PCDHGA5: variants seen among roughly 807,000 people sequenced by gnomAD.
The protein encoded by PCDHGA5 is protocadherin gamma-A5.
Under a neutral mutation model 56.7 loss-of-function variants are expected in PCDHGA5, and 36 were observed. The observed-to-expected ratio is 0.64, with a 90% CI of 0.49 to 0.84. The LOEUF (loss-of-function observed/expected upper bound fraction) is 0.84, where lower values mean the gene tolerates loss of function less well. Ranked by LOEUF, PCDHGA5 falls within the 40% of genes least tolerant of loss-of-function variation. The probability of loss-of-function intolerance (pLI) is 0.00; values close to 1 mark genes in which losing one functional copy is unlikely to be tolerated. For missense variants in PCDHGA5, 1,305 were observed against 1,201.5 expected, an observed-to-expected ratio of 1.09 and a Z score of -1.27; for synonymous variants, 563 against 520.2, an observed-to-expected ratio of 1.08 and a Z score of -1.12.
chr5:141,485,242 C>A lies in PCDHGA5; in HGVS notation c.2422-9565C>A, dbSNP rs747029550. ...CTACCCTTTTGTTCCTCTTTTACCA[C>A]CTGGGTTACGTTTGTGGGCAGATCC... On this transcript the variant is annotated intron_variant, in intron 1 of 3. Transcript: ENST00000518069. This position sits in a 1 kb window ranked among gnomAD's most constrained non-coding sequence, Gnocchi z 5.7. 7.4e-5 allele frequency: 119 copies of A among 1,614,054 alleles called. No individual in the cohort carries two copies. The highest frequency in any genetic ancestry group is 3.3e-4 in the Middle Eastern group (2 of 6,084).
intron 2 of PCDHGA5, among the ~76,000 whole-genome samples, chr5:141,496,392 C>T (rs6879760): frequency 0.064 from 9,762 of 152,240 alleles, 510 homozygotes; most frequent in African/African-American, 0.15. Context: ...CCTTACCCTA[C>T]CTCCTCAATG....
intron 1 of PCDHGA5, chr5:141,392,664 C>CT (rs530587453): frequency 1.2e-6 from 1 of 817,260 alleles, no homozygotes; most frequent in South Asian, 2.1e-5. Flanking sequence ...ATGCCACAAA[C>CT]TAACTGCTGG....
intron 1 of PCDHGA5, chr5:141,418,345 T>G: frequency 6.2e-7 from 1 of 1,614,000 alleles, no homozygotes; most frequent in Non-Finnish European, 8.5e-7. Context: ...ATCCTGATAT[T>G]AGTATGAATT....
Position 141,486,443 on chromosome 5 carries a change from A to G in PCDHGA5, c.2422-8364A>G, listed in dbSNP as rs747419698. Reference sequence around the variant, plus strand: ...AGAGGCCAAATCTAGCTATGACATCATGGTCACTGCTTCTGATGCTGGGAA... The same window carrying G: ...AGAGGCCAAATCTAGCTATGACATCGTGGTCACTGCTTCTGATGCTGGGAA... On this transcript the variant is annotated intron_variant, in intron 1 of 3. Transcript: ENST00000518069. The surrounding 1 kb of genome is among the most constrained non-coding windows in gnomAD (Gnocchi z 5.0). The G allele has an allele frequency of 1.9e-6, 3 of 1,614,060 alleles. No individual in the cohort carries two copies. Among genetic ancestry groups the G allele is most frequent in the South Asian group, 2.2e-5 (2 of 91,080 alleles).
chr5:141,375,647 T>A (rs1265306389), intron 1 of PCDHGA5: 1 of 1,614,156 alleles, frequency 6.2e-7, no homozygotes, highest in Admixed American at 1.7e-5. Flanking sequence ...CTCCTTCGAC[T>A]ATGAGCAGTT....
Position 141,422,497 on chromosome 5 carries a change from A to G in PCDHGA5, c.2421+55746A>G, listed in dbSNP as rs1257927470. 1.9e-6 allele frequency: 3 copies of G among 1,613,874 alleles called. No homozygotes were observed. In the African/African-American group the frequency reaches 4.0e-5, roughly 22 times the overall value. On this transcript the variant is annotated intron_variant, in intron 1 of 3. Transcript: ENST00000518069. Reference sequence around the variant, plus strand: ...GGTCCAGAGCTACAATATAACGTTGACAGCCACAGACCAGGGAAGCCCGCC... The same window carrying G: ...GGTCCAGAGCTACAATATAACGTTGGCAGCCACAGACCAGGGAAGCCCGCC...
chr5:141,431,709 T>C lies in PCDHGA5; in HGVS notation c.2422-63098T>C. On this transcript the variant is annotated intron_variant, in intron 1 of 3. Coordinates refer to ENST00000518069, the MANE Select transcript of PCDHGA5 (RefSeq NM_018918.3). This position sits in a 1 kb window ranked among gnomAD's most constrained non-coding sequence, Gnocchi z 4.8. ...CACGAGGAGTCAGGATTCTACCAGA[T>C]GGAAGTGCAAGCAATGGATAATGCA... The C allele has an allele frequency of 6.2e-7, 1 of 1,614,168 alleles. No individual in the cohort carries two copies. Among genetic ancestry groups the C allele is most frequent in the Non-Finnish European group, 8.5e-7 (1 of 1,180,018 alleles).
At chr5:141,421,146 C>T in intron 1 of PCDHGA5, 1 of 1,015,090 alleles carries the variant, frequency 9.9e-7, no homozygotes, top group Non-Finnish European at 1.4e-6. Flanking sequence ...TGGATGTAGT[C>T]GGCCTAGGAC....
intron 1 of PCDHGA5, chr5:141,412,854 A>T (rs1356959630): frequency 4.5e-6 from 1 of 223,412 alleles, no homozygotes; most frequent in African/African-American, 2.3e-5. Context: ...GAGAAACCAA[A>T]GAATCTATGT....
At chr5:141,374,551 G>C (rs1314667705) in intron 1 of PCDHGA5, 2 of 1,613,400 alleles carry the variant, frequency 1.2e-6, no homozygotes, top group African/African-American at 2.7e-5. Context: ...CACTAATGGA[G>C]GTCTATGACC....
rs1191838027 is a variant in PCDHGA5, at chr5:141,365,935, C to A, written c.1605C>A (p.Ser535Arg). Residue 535 changes from serine to arginine, a missense_variant, in exon 1 of 4, where the codon AGC (serine) becomes AGA (arginine). Transcript: ENST00000518069. ...LRDLQLWVTA[S>R]DSGNPPLSSN... Reference sequence around the variant, plus strand: ...ACCTACAGTTGTGGGTGACAGCCAGCGACAGTGGGAACCCTCCACTTAGCA... The same window carrying A: ...ACCTACAGTTGTGGGTGACAGCCAGAGACAGTGGGAACCCTCCACTTAGCA... 1.2e-6 allele frequency: 2 copies of A among 1,614,106 alleles called. No homozygotes were observed. Among genetic ancestry groups the A allele is most frequent in the African/African-American group, 2.7e-5 (2 of 74,940 alleles).
rs114492681 is a variant in PCDHGA5, at chr5:141,408,401, C to A, written c.2421+41650C>A. 1.5e-3 allele frequency: 2,364 copies of A among 1,614,010 alleles called. 32 individuals are homozygous for A. The African/African-American group carries it at 0.028, about 19-fold the overall frequency. On this transcript the variant is annotated intron_variant, in intron 1 of 3. Coordinates refer to ENST00000518069, the MANE Select transcript of PCDHGA5 (RefSeq NM_018918.3). ...CCTGGATGTGTCGGCTCGCAAGCTG[C>A]GAGTGAGCGCGGAGAAGCTGCACTT...
chr5:141,423,561 C>G (rs959698297), intron 1 of PCDHGA5: 7 of 1,613,628 alleles, frequency 4.3e-6, no homozygotes, highest in Non-Finnish European at 5.9e-6. Flanking sequence ...ACTATGGGGA[C>G]ACGCTCATCA....
intron 1 of PCDHGA5, chr5:141,409,618 G>C: frequency 6.2e-7 from 1 of 1,613,894 alleles, no homozygotes; most frequent in Non-Finnish European, 8.5e-7. Context: ...CCTCCATTGC[G>C]CAAGTGAGCG....
chr5:141,505,053 T>C (rs904041070), intron 2 of PCDHGA5, among the ~76,000 whole-genome samples: 2 of 152,108 alleles, frequency 1.3e-5, no homozygotes, highest in African/African-American at 4.8e-5. Context: ...TCCCAGCTAC[T>C]TGGGAGACTG....
intron 1 of PCDHGA5, 48 bp from the exon 2 acceptor site, chr5:141,494,759 C>CT: frequency 6.2e-7 from 1 of 1,613,886 alleles, no homozygotes; most frequent in Non-Finnish European, 8.5e-7. Flanking sequence ...GGGTGACATT[C>CT]TAACTTCTCA....
chr5:141,431,147 G>A lies in PCDHGA5; in HGVS notation c.2422-63660G>A, dbSNP rs1303502732. ...AGAAGTAAGGGACATTAACGACAAT[G>A]CGCCTTACTTTCGTGAAAGTGAATT... On this transcript the variant is annotated intron_variant, in intron 1 of 3. Coordinates refer to ENST00000518069, the MANE Select transcript of PCDHGA5 (RefSeq NM_018918.3). The surrounding 1 kb of genome is among the most constrained non-coding windows in gnomAD (Gnocchi z 4.8). 6.2e-7 allele frequency: 1 copy of A among 1,614,228 alleles called. No homozygotes were observed. The highest frequency in any genetic ancestry group is 1.7e-5 in the Admixed American group (1 of 60,030).
chr5:141,375,043 A>G, intron 1 of PCDHGA5: 1 of 1,614,056 alleles, frequency 6.2e-7, no homozygotes, highest in Non-Finnish European at 8.5e-7. Context: ...TGGGTGTTGA[A>G]GCCCGGGATG....
rs1768955352 is a variant in PCDHGA5, at chr5:141,372,667, C to T, written c.2421+5916C>T. 1.9e-6 allele frequency: 3 copies of T among 1,613,922 alleles called. No homozygotes were observed. In the African/African-American group the frequency reaches 4.0e-5, roughly 22 times the overall value. On this transcript the variant is annotated intron_variant, in intron 1 of 3. Transcript: ENST00000518069. Reference sequence around the variant, plus strand: ...TATTCCTACAATCCGTGTGCTGCCTCACATTCCTCAAACACCGAGTTTAAA... The same window carrying T: ...TATTCCTACAATCCGTGTGCTGCCTTACATTCCTCAAACACCGAGTTTAAA...
Sources: gnomAD v4.1 joint callset for allele counts (sites outside exome capture counted in the v4.1 genomes callset) on GRCh38, gnomAD v4.1.1 for gene constraint, Gnocchi (gnomAD v3.1) non-coding constraint, MANE v1.5 for transcripts, NCBI Gene and HGNC (gene_info 2026-07-23, HGNC 2026-07-21) for gene names.